PKIB: variants seen among roughly 807,000 people sequenced by gnomAD.
The protein encoded by PKIB is cAMP-dependent protein kinase inhibitor beta, also known as PKI-beta.
In PKIB, 2 loss-of-function variants were observed where a neutral mutation model predicts 4.5. That is an observed-to-expected ratio of 0.44 (90% CI 0.18 to 1.39). The LOEUF is 1.39. Among genes scored for constraint, PKIB ranks in the 40% most tolerant of loss-of-function variants. The pLI is 0.27. For synonymous variants in PKIB, 38 were observed against 36.0 expected (o/e 1.06, Z -0.20); for missense variants, 94 against 92.6 (o/e 1.02, Z -0.06).
At chr6:122,551,641 T>C (rs949683546) in intron 2 of PKIB, among the ~76,000 whole-genome samples, 7 of 152,156 alleles carry the variant, frequency 4.6e-5, no homozygotes, top group African/African-American at 1.7e-4. Context: ...GTCATCAACA[T>C]TGAGCCAGCA....
intron 2 of PKIB, among the ~76,000 whole-genome samples, chr6:122,576,917 G>C (rs1412401113): frequency 6.6e-6 from 1 of 151,614 alleles, no homozygotes; most frequent in Non-Finnish European, 1.5e-5. Flanking sequence ...AAATAAATAT[G>C]ACATTTTAAC....
At chr6:122,677,577 G>A (rs955802679) in intron 3 of PKIB, among the ~76,000 whole-genome samples, 4 of 152,172 alleles carry the variant, frequency 2.6e-5, no homozygotes, top group African/African-American at 7.2e-5. Flanking sequence ...CCTTGGCTAT[G>A]TAGCTGCTTT....
chr6:122,591,942 A>G (rs940591778), intron 3 of PKIB, among the ~76,000 whole-genome samples: 2 of 149,250 alleles, frequency 1.3e-5, no homozygotes, highest in East Asian at 2.0e-4. Context: ...AAAGTGAACT[A>G]TTTGGTTATT....
At chr6:122,485,305 C>T (rs1359648080) in intron 2 of PKIB, among the ~76,000 whole-genome samples, 2 of 151,422 alleles carry the variant, frequency 1.3e-5, no homozygotes, top group Admixed American at 6.6e-5. Flanking sequence ...TAATCTATTA[C>T]ATGAGATATA....
chr6:122,542,744 TGTCA>T (rs1777646166), intron 2 of PKIB, among the ~76,000 whole-genome samples: 1 of 152,130 alleles, frequency 6.6e-6, no homozygotes, highest in East Asian at 1.9e-4. Context: ...TCTTCAAAAC[TGTCA>T]GACAGGGACA....
intron 2 of PKIB, among the ~76,000 whole-genome samples, chr6:122,567,736 A>G (rs1443567406): frequency 1.3e-5 from 2 of 152,246 alleles, no homozygotes; most frequent in Non-Finnish European, 2.9e-5. Flanking sequence ...AATGAGATAC[A>G]TGCAAAAATT....
At chr6:122,495,509 G>A (rs1049480106) in intron 2 of PKIB, among the ~76,000 whole-genome samples, 2 of 152,042 alleles carry the variant, frequency 1.3e-5, no homozygotes, top group Non-Finnish European at 1.5e-5. Flanking sequence ...ATCACAGCCA[G>A]CACTTGACTT....
chr6:122,577,733 C>T (rs964098260), intron 2 of PKIB, among the ~76,000 whole-genome samples: 1 of 151,738 alleles, frequency 6.6e-6, no homozygotes, highest in African/African-American at 2.4e-5. Context: ...CACAGTGAAA[C>T]CCCGTCTCTA....
chr6:122,504,997 A>G (rs1340157281), intron 2 of PKIB, among the ~76,000 whole-genome samples: 2 of 152,156 alleles, frequency 1.3e-5, no homozygotes, highest in East Asian at 1.9e-4. Context: ...TCTGGTTTCT[A>G]CTTGATTTAT....
chr6:122,701,258 A>G, intron 3 of PKIB: 1 of 511,018 alleles, frequency 2.0e-6, no homozygotes, highest in Non-Finnish European at 3.5e-6. Context: ...AACCTCACAC[A>G]GGGCTGCCTC....
At chr6:122,689,481 A>G in intron 3 of PKIB, among the ~76,000 whole-genome samples, 1 of 152,138 alleles carries the variant, frequency 6.6e-6, no homozygotes, top group East Asian at 1.9e-4. Flanking sequence ...TCGTTTCAAG[A>G]AATTTTTCAA....
intron 2 of PKIB, among the ~76,000 whole-genome samples, chr6:122,657,845 G>A (rs970517355): frequency 2.6e-5 from 4 of 152,252 alleles, no homozygotes; most frequent in Middle Eastern, 3.4e-3. Context: ...ACAGATACAG[G>A]AATCATGCAG....
intron 1 of PKIB, among the ~76,000 whole-genome samples, chr6:122,622,669 T>C (rs1582747904): frequency 6.6e-6 from 1 of 151,596 alleles, no homozygotes; most frequent in Non-Finnish European, 1.5e-5. Context: ...CAACCAATGC[T>C]CTAGTGGTGC....
intron 2 of PKIB, 22 bp from the exon 3 acceptor site, chr6:122,675,056 A>AG: frequency 7.8e-6 from 1 of 127,394 alleles, no homozygotes; most frequent in East Asian, 2.5e-4. Flanking sequence ...GGTTCTTCAT[A>AG]GTTTTTTTTT....
At chr6:122,517,095 A>C (rs1776782430) in intron 2 of PKIB, among the ~76,000 whole-genome samples, 1 of 152,156 alleles carries the variant, frequency 6.6e-6, no homozygotes, top group Non-Finnish European at 1.5e-5. Context: ...ATCACGGATT[A>C]TGTTTCTGTT....
At chr6:122,621,337 G>A (rs1775219048) in intron 1 of PKIB, among the ~76,000 whole-genome samples, 1 of 152,100 alleles carries the variant, frequency 6.6e-6, no homozygotes, top group Admixed American at 6.6e-5. Flanking sequence ...CCTCCTTGAT[G>A]CTAAGGAATA....
intron 3 of PKIB, among the ~76,000 whole-genome samples, chr6:122,602,665 A>G (rs191038275): frequency 2.0e-5 from 3 of 152,328 alleles, no homozygotes; most frequent in Admixed American, 2.0e-4. Context: ...TTGTAATCTC[A>G]GCACTTTGAG....
intron 1 of PKIB, among the ~76,000 whole-genome samples, chr6:122,614,770 C>A (rs765059725): frequency 2.0e-5 from 3 of 152,042 alleles, no homozygotes; most frequent in Non-Finnish European, 2.9e-5. Context: ...TTCTTAAAAT[C>A]ATAAAATCTT....
chr6:122,565,742 A>G (rs751926791), intron 2 of PKIB, among the ~76,000 whole-genome samples: 20 of 152,212 alleles, frequency 1.3e-4, no homozygotes, highest in Non-Finnish European at 2.1e-4. Flanking sequence ...AGTAACAACA[A>G]CTGTCTTCCA....
Sources: allele counts gnomAD v4.1 joint callset (sites outside exome capture counted in the v4.1 genomes callset), GRCh38; gene constraint gnomAD v4.1.1; transcripts MANE v1.5; gene names NCBI Gene and HGNC (gene_info 2026-07-23, HGNC 2026-07-21).